The following SMPD1 variants were observed in gnomAD, a reference collection of about 807,000 sequenced individuals.
SMPD1 encodes sphingomyelin phosphodiesterase 1, also known as sphingomyelin phosphodiesterase.
SMPD1 carries 47 observed loss-of-function variants against 49.7 expected under a neutral mutation model. The observed-to-expected ratio is 0.95, with a 90% CI of 0.75 to 1.21. The LOEUF (loss-of-function observed/expected upper bound fraction) is 1.21, where lower values mean the gene tolerates loss of function less well. Ranked by LOEUF, SMPD1 falls within the 50% of genes most tolerant of loss-of-function variation. The probability of loss-of-function intolerance (pLI) is 0.00; values close to 1 mark genes in which losing one functional copy is unlikely to be tolerated. For synonymous variants in SMPD1, 336 were observed against 339.6 expected, an observed-to-expected ratio of 0.99 and a Z score of 0.12; for missense variants, 811 against 822.2, an observed-to-expected ratio of 0.99 and a Z score of 0.17.
Position 6,394,701 on chromosome 11 carries a change from T to C in SMPD1, c.*94T>C, listed in dbSNP as rs142942704. On this transcript the variant is annotated 3_prime_UTR_variant, in exon 6 of 6. Transcript: ENST00000342245. ...GGTTCAACCAGGCAAGATCATCCGG[T>C]GAAAGAACCAGTCCCTGGGCCCCAA... 5.9e-5 allele frequency: 63 copies of C among 1,068,004 alleles called. No homozygotes were observed. The South Asian group carries it at 7.2e-4, about 12-fold the overall frequency. 66.2% of individuals were successfully genotyped at this position (1,068,004 alleles called of 1,614,324 possible).
Position 6,391,368 on chromosome 11 carries a change from G to T in SMPD1, c.319-16G>T, listed in dbSNP as rs756030863. Reference sequence around the variant, plus strand: ...CTCTGCCTCTGATTTCTCACCATGCGCTCCTCCCACTGCAGAAGGAACCCA... The same window carrying T: ...CTCTGCCTCTGATTTCTCACCATGCTCTCCTCCCACTGCAGAAGGAACCCA... On this transcript the variant is annotated splice_polypyrimidine_tract_variant and intron_variant, in intron 1 of 5. Transcript: ENST00000342245. The T allele has an allele frequency of 6.2e-7, 1 of 1,611,930 alleles. No homozygotes were observed. Among genetic ancestry groups the T allele is most frequent in the South Asian group, 1.1e-5 (1 of 90,986 alleles).
chr11:6,390,494 G>T lies in SMPD1; in HGVS notation c.-105G>T. On this transcript the variant is annotated 5_prime_UTR_variant, in exon 1 of 6. In the 5' UTR this introduces an upstream ATG that the reference lacks. Coordinates refer to ENST00000342245, the MANE Select transcript of SMPD1 (RefSeq NM_000543.5). ...GGAGCAGTCAGCCGACTACAGAGAAGGGTAATCGGGTGTCCCCGGCGCCGC... is the reference window on the plus strand; with the variant it reads ...GGAGCAGTCAGCCGACTACAGAGAATGGTAATCGGGTGTCCCCGGCGCCGC... The T allele has an allele frequency of 6.5e-7, 1 of 1,539,032 alleles. No individual in the cohort carries two copies. Among genetic ancestry groups the T allele is most frequent in the South Asian group, 1.2e-5 (1 of 83,798 alleles).
intron 2 of SMPD1, 134 bp from the exon 3 acceptor site, chr11:6,393,082 G>T: frequency 1.4e-6 from 1 of 706,102 alleles, no homozygotes; most frequent in Non-Finnish European, 2.4e-6. Context: ...AGAACTGTTT[G>T]GTCTCTGGCT....
rs202192013 is a variant in SMPD1, at chr11:6,394,455, C to A, written c.1744C>A (p.Pro582Thr). The A allele has an allele frequency of 6.2e-7, 1 of 1,614,186 alleles. No individual in the cohort carries two copies. The change falls in exon 6 of 6, where the codon CCC becomes ACC. Residue 582 changes from proline (P) to threonine (T), a missense_variant. Transcript: ENST00000342245. ...FWFLYHKGHP[P>T]SEPCGTPCRL... ...GTTTCTCTACCATAAGGGCCACCCA[C>A]CCTCGGAGCCCTGTGGCACGCCCTG...
chr11:6,390,496 G>A lies in SMPD1; in HGVS notation c.-103G>A, dbSNP rs1847847238. 4.5e-6 allele frequency: 7 copies of A among 1,541,598 alleles called. No individual in the cohort carries two copies. The highest frequency in any genetic ancestry group is 2.4e-5 in the South Asian group (2 of 83,948). On this transcript the variant is annotated 5_prime_UTR_variant, in exon 1 of 6. Transcript: ENST00000342245. ...AGCAGTCAGCCGACTACAGAGAAGG[G>A]TAATCGGGTGTCCCCGGCGCCGCCC...
Position 6,394,525 on chromosome 11 carries a change from G to A in SMPD1, c.1814G>A (p.Ser605Asn), listed in dbSNP as rs751726525. ...LCAQLSARAD[S>N]PALCRHLMPD... ...GCCCAGCTCTCTGCCCGTGCTGACA[G>A]CCCTGCTCTGTGCCGCCACCTGATG... The change falls in exon 6 of 6, where the codon AGC becomes AAC. Residue 605 changes from serine to asparagine, a missense_variant. Physicochemically the swap from Ser to Asn is conservative, Grantham distance 46 (BLOSUM62 1). Transcript: ENST00000342245. 3 of 1,611,178 alleles carry A rather than the reference G, an allele frequency of 1.9e-6. No homozygotes were observed. Among genetic ancestry groups the A allele is most frequent in the Admixed American group, 1.7e-5 (1 of 60,028 alleles).
chr11:6,391,016 T>C (rs1847886493), intron 1 of SMPD1, 100 bp downstream of exon 1: 3 of 1,429,662 alleles, frequency 2.1e-6, no homozygotes, highest in East Asian at 4.8e-5. Flanking sequence ...GCATCCCTGA[T>C]GGAGAGGGTG....
chr11:6,391,181 G>A (rs1198750275), intron 1 of SMPD1, among the ~76,000 whole-genome samples: 3 of 152,228 alleles, frequency 2.0e-5, no homozygotes, highest in African/African-American at 7.2e-5. Flanking sequence ...GCCACAGGCC[G>A]CTGAGCTAAA....
In SMPD1 at chr11:6,391,777, G is replaced by A. The variant is rs748936934; in HGVS notation, c.712G>A (p.Ala238Thr). 37 of 1,611,998 alleles carry A rather than the reference G, an allele frequency of 2.3e-5. No individual in the cohort carries two copies. Among genetic ancestry groups the A allele is most frequent in the Non-Finnish European group, 3.0e-5 (35 of 1,180,024 alleles). ...CCGCCGGGGTTCTGGCCTGCCGCCC[G>A]CATCCCGGCCAGGTGCCGGATACTG... ...CCRRGSGLPP[A>T]SRPGAGYWGE... The change falls in exon 2 of 6, where the codon GCA (alanine) becomes ACA (threonine). Residue 238 changes from alanine (A) to threonine (T), a missense_variant. Transcript: ENST00000342245.
At chr11:6,392,320 C>T (rs530681937) in intron 2 of SMPD1, 164 bp downstream of exon 2, 36 of 645,830 alleles carry the variant, frequency 5.6e-5, no homozygotes, top group South Asian at 2.1e-4. Context: ...ACTGTTTTGC[C>T]GCACCAGGCT....
chr11:6,394,416 T>C lies in SMPD1; in HGVS notation c.1705T>C (p.Phe569Leu), dbSNP rs1848094468. 4 of 1,614,216 alleles carry C rather than the reference T, an allele frequency of 2.5e-6. No homozygotes were observed. Among genetic ancestry groups the C allele is most frequent in the Non-Finnish European group, 3.4e-6 (4 of 1,180,040 alleles). Residue 569 changes from phenylalanine (F) to leucine (L), a missense_variant, in exon 6 of 6, where the codon TTC (phenylalanine) becomes CTC (leucine). Transcript: ENST00000342245. ...VYRMRGDMQLFQTFWFLYHKG... is the reference protein window; with the variant it reads ...VYRMRGDMQLLQTFWFLYHKG... ...TCGCATGCGGGGCGACATGCAACTT[T>C]TCCAGACCTTCTGGTTTCTCTACCA...
At position 6,390,734 on chromosome 11, in the gene SMPD1, GCGCTGGCT is replaced by G; in HGVS notation, c.138_145del (p.Leu47ValfsTer2). ...GGCGCTGGCGCTGGCGCTGGCGCTG[GCGCTGGCT>G]CTGTCTGACTCTCGGGTTCTCTGGG... On this transcript the variant is annotated frameshift_variant, in exon 1 of 6. Coordinates refer to ENST00000342245, the MANE Select transcript of SMPD1 (RefSeq NM_000543.5). LOFTEE classifies it high-confidence loss of function. The G allele has an allele frequency of 1.2e-6, 2 of 1,608,490 alleles. No homozygotes were observed. The highest frequency in any genetic ancestry group is 1.7e-6 in the Non-Finnish European group (2 of 1,177,194).
At chr11:6,391,341 T>C (rs1277060563) in intron 1 of SMPD1, 43 bp from the exon 2 acceptor site, 3 of 1,607,166 alleles carry the variant, frequency 1.9e-6, no homozygotes, top group Non-Finnish European at 2.6e-6. Context: ...CTGGTTCCTC[T>C]GCTCTGCCTC....
At chr11:6,392,905 AT>A (rs1316541468) in intron 2 of SMPD1, among the ~76,000 whole-genome samples, 1 of 151,120 alleles carries the variant, frequency 6.6e-6, no homozygotes, top group Non-Finnish European at 1.5e-5. Context: ...TCTGGAAATG[AT>A]TTCCCCCTTT....
rs774309925 is a variant in SMPD1 at position 6,393,615 on chromosome 11, A to G, written c.1264-2A>G. The G allele has an allele frequency of 2.5e-6, 4 of 1,610,516 alleles. No individual in the cohort carries two copies. The highest frequency in any genetic ancestry group is 3.4e-6 in the Non-Finnish European group (4 of 1,176,770). On this transcript the variant is annotated splice_acceptor_variant, in intron 3 of 5. Transcript: ENST00000342245. LOFTEE classifies it high-confidence loss of function. ...ATTACCATCCTTAATTCTCCCTACT[A>G]GGTGCATATAATTGGCCACATTCCC...
rs1847860411 is a variant in SMPD1, at chr11:6,390,700, CCT to C, written c.103_104del (p.Leu35GlyfsTer16). 4 of 1,546,752 alleles carry C rather than the reference CCT, an allele frequency of 2.6e-6. No individual in the cohort carries two copies. Among genetic ancestry groups the C allele is most frequent in the Non-Finnish European group, 3.5e-6 (4 of 1,137,308 alleles). The stretch of plus-strand genomic sequence containing the variant: ...GAGCCCCCGGACTCCTTTGGATGGG[CCT>C]GGTGCTGGCGCTGGCGCTGGCGCTG... ...AGAPGLLWMGLVLALALALAL... is the reference protein window; with the variant it reads ...AGAPGLLWMGXVLALALALAL... On this transcript the variant is annotated frameshift_variant, in exon 1 of 6. Coordinates refer to ENST00000342245, the MANE Select transcript of SMPD1 (RefSeq NM_000543.5). LOFTEE classifies it high-confidence loss of function.
At chr11:6,394,072 C>T in intron 5 of SMPD1, 31 bp downstream of exon 5, 1 of 1,614,012 alleles carries the variant, frequency 6.2e-7, no homozygotes. Context: ...CCTCCCTTAT[C>T]CTGGAGTTGG....
rs1360217958 is a variant in SMPD1, at chr11:6,392,148, C to T, written c.1083C>T (p.Arg361=). 3 of 1,614,044 alleles carry T rather than the reference C, an allele frequency of 1.9e-6. No individual in the cohort carries two copies. Among genetic ancestry groups the T allele is most frequent in the East Asian group, 2.2e-5 (1 of 44,896 alleles). Residue 361 remains arginine, a synonymous_variant, in exon 2 of 6, where the codon CGC becomes CGT. Transcript: ENST00000342245. ...WEPWLPAEAL[R]TLRIGGFYAL... Reference sequence around the variant, plus strand: ...CCTGGCTGCCTGCCGAAGCCCTGCGCACCCTCAGGTACTTATCGTCCGTGG... The same window carrying T: ...CCTGGCTGCCTGCCGAAGCCCTGCGTACCCTCAGGTACTTATCGTCCGTGG...
chr11:6,392,329 CTTTTTTTTTT>C (rs756326903), intron 2 of SMPD1, 173 bp downstream of exon 2: 7 of 404,248 alleles, frequency 1.7e-5, no homozygotes, highest in Non-Finnish European at 3.0e-5. Flanking sequence ...CCGCACCAGG[CTTTTTTTTTT>C]TTTTTTTTTT....
Sources: allele counts gnomAD v4.1 joint callset (sites outside exome capture counted in the v4.1 genomes callset), GRCh38; gene constraint gnomAD v4.1.1; transcripts MANE v1.5; gene names NCBI Gene and HGNC (gene_info 2026-07-23, HGNC 2026-07-21).